Variants in STK11 observed in about 807,000 individuals in gnomAD.
STK11 encodes the protein serine/threonine-protein kinase STK11.
Under a neutral mutation model 47.3 loss-of-function variants are expected in STK11, and 8 were observed. That is an observed-to-expected ratio of 0.17 (90% CI 0.10 to 0.31). The LOEUF is 0.31. STK11 is among the 10% of genes least tolerant of loss of function. STK11 has a pLI of 1.00. For missense variants in STK11, 475 were observed against 605.0 expected (o/e 0.79, Z 2.25); for synonymous variants, 330 against 255.8 (o/e 1.29, Z -2.77).
At chr19:1,217,198 G>C (rs545645000) in intron 1 of STK11, among the ~76,000 whole-genome samples, 1 of 152,030 alleles carries the variant, frequency 6.6e-6, no homozygotes, top group Non-Finnish European at 1.5e-5. Context: ...CTTGCTCCTC[G>C]TCATTTTTGT....
At chr19:1,223,916 AG>A in intron 8 of STK11, 1 of 1,013,516 alleles carries the variant, frequency 9.9e-7, no homozygotes, top group Non-Finnish European at 1.2e-6. Flanking sequence ...CTGGAGCCTG[AG>A]GGGGCTTTCT....
At chr19:1,224,044 C>T in intron 8 of STK11, 1 of 1,003,924 alleles carries the variant, frequency 1.0e-6, no homozygotes, top group Non-Finnish European at 1.2e-6. Flanking sequence ...CCCGAGGGTC[C>T]CAGAATAGTG....
intron 3 of STK11, among the ~76,000 whole-genome samples, chr19:1,219,762 G>A (rs972166681): frequency 6.6e-5 from 10 of 152,002 alleles, no homozygotes; most frequent in Non-Finnish European, 1.2e-4. Context: ...AGCCAGGATG[G>A]TCTCAAACTC....
chr19:1,206,557 A>C lies in STK11; in HGVS notation c.-357A>C. 2.6e-6 allele frequency: 1 copy of C among 389,656 alleles called. No homozygotes were observed. The highest frequency in any genetic ancestry group is 3.7e-5 in the South Asian group (1 of 26,890). The allele number at this position is 389,656 out of a possible 1,614,324, so 24.1% of individuals were successfully genotyped here. A position where few individuals can be genotyped will look rare whatever the true frequency, so the allele number is the denominator to read the frequency against. The stretch of plus-strand genomic sequence containing the variant: ...GTCCCCGGAGGATGACCTAGCACTG[A>C]AAAGCCCCGGCCGGCCTCCCCAGGG... On this transcript the variant is annotated 5_prime_UTR_variant, in exon 1 of 10. Transcript: ENST00000326873.
chr19:1,208,024 C>T (rs2080680571), intron 1 of STK11, among the ~76,000 whole-genome samples: 1 of 152,240 alleles, frequency 6.6e-6, no homozygotes, highest in Non-Finnish European at 1.5e-5. Context: ...ACACGCTGCA[C>T]CTGCCGCCGC....
intron 1 of STK11, chr19:1,216,148 A>G (rs905259162): frequency 6.3e-6 from 1 of 158,240 alleles, no homozygotes; most frequent in African/African-American, 2.4e-5. Context: ...ACAGTGTACA[A>G]TTCAGTGGCA....
intron 1 of STK11, among the ~76,000 whole-genome samples, chr19:1,212,390 G>C (rs1029955465): frequency 6.9e-6 from 1 of 145,688 alleles, no homozygotes; most frequent in Non-Finnish European, 1.5e-5. Flanking sequence ...CCCCAAGGTA[G>C]CTGGGACTGC....
At position 1,220,792 on chromosome 19, in the gene STK11, C is replaced by T. The variant is rs554154579; in HGVS notation, c.734+75C>T. 4 of 1,532,554 alleles carry T rather than the reference C, an allele frequency of 2.6e-6. No individual in the cohort carries two copies. The South Asian group carries it at 3.7e-5, about 14-fold the overall frequency. The allele number at this position is 1,532,554 out of a possible 1,614,324, so 94.9% of individuals were successfully genotyped here. ...CCTCTGCGTCTTGGGCAGCTGCCGG[C>T]CTGTGGGCGCAGGGCGTGGCCACCG... On this transcript the variant is annotated intron_variant, in intron 5 of 9. Transcript: ENST00000326873.
rs1223001598 is a variant in STK11 at position 1,224,207 on chromosome 19, CTGGGGGCCCCCCAGGAGGATGCAGCATG to C, written c.1108+1054_1108+1081del. On this transcript the variant is annotated intron_variant, in intron 8 of 9. Transcript: ENST00000326873. ...TGGGGGTCCCCGGGGGGTACAGTGT[CTGGGGGCCCCCCAGGAGGATGCAGCATG>C]TGGGGGCCCCCCAGGAGGGTACAGC... 17 of 984,922 alleles carry C rather than the reference CTGGGGGCCCCCCAGGAGGATGCAGCATG, an allele frequency of 1.7e-5. No homozygotes were observed. In the South Asian group the frequency reaches 2.4e-4, roughly 14 times the overall value. 61.0% of individuals were successfully genotyped at this position (984,922 alleles called of 1,614,324 possible).
intron 1 of STK11, among the ~76,000 whole-genome samples, chr19:1,210,390 T>A (rs1326392640): frequency 1.3e-5 from 2 of 152,148 alleles, no homozygotes; most frequent in African/African-American, 4.8e-5. Flanking sequence ...CGTCCGGTCC[T>A]CCAGTTGGTG....
In STK11 at chr19:1,207,220, G is replaced by A. The variant is rs749909818; in HGVS notation, c.290+17G>A. 15 of 1,586,412 alleles carry A rather than the reference G, an allele frequency of 9.5e-6. No individual in the cohort carries two copies. In the African/African-American group the frequency reaches 1.6e-4, roughly 17 times the overall value. Reference sequence around the variant, plus strand: ...CGTGAAGAAGTAAGTATGGCTTGCTGGGGTCGGGGCCGGGCCGGGCCAGTC... The same window carrying A: ...CGTGAAGAAGTAAGTATGGCTTGCTAGGGTCGGGGCCGGGCCGGGCCAGTC... On this transcript the variant is annotated intron_variant, in intron 1 of 9. Transcript: ENST00000326873.
Position 1,219,100 on chromosome 19 carries a change from C to T in STK11, c.375-224C>T, listed in dbSNP as rs192920812. 8.5e-5 allele frequency among the ~76,000 whole-genome samples: 13 copies of T among 152,222 alleles called. No individual in the cohort carries two copies. The East Asian group carries it at 2.3e-3, about 27-fold the overall frequency. On this transcript the variant is annotated intron_variant, in intron 2 of 9. Coordinates refer to ENST00000326873, the MANE Select transcript of STK11 (RefSeq NM_000455.5). ...ACGTGAGCCCCGCAGGAACGCTGCCCCAAGAGTCAGCCCTGTCCTCCCCTT... is the reference window on the plus strand; with the variant it reads ...ACGTGAGCCCCGCAGGAACGCTGCCTCAAGAGTCAGCCCTGTCCTCCCCTT...
intron 2 of STK11, 78 bp downstream of exon 2, chr19:1,218,578 C>T (rs1250470997): frequency 2.4e-6 from 3 of 1,226,166 alleles, no homozygotes; most frequent in Non-Finnish European, 3.6e-6. Context: ...TCGAGGCCTG[C>T]TCCTCTTCCC....
chr19:1,207,012 G>A lies in STK11; in HGVS notation c.99G>A (p.Glu33=), dbSNP rs863224363. The A allele has an allele frequency of 6.2e-7, 1 of 1,613,712 alleles. No homozygotes were observed. Among genetic ancestry groups the A allele is most frequent in the Non-Finnish European group, 8.5e-7 (1 of 1,179,842 alleles). ...TCATCCACCGCATCGACTCCACCGA[G>A]GTCATCTACCAGCCGCGCCGCAAGC... The part of the protein sequence containing the change: ...DTFIHRIDST[E]VIYQPRRKRA... The change falls in exon 1 of 10, where the codon GAG becomes GAA. Residue 33 remains glutamate (E), a synonymous_variant. Transcript: ENST00000326873.
At chr19:1,219,541 T>C in intron 3 of STK11, 128 bp downstream of exon 3, 2 of 1,001,888 alleles carry the variant, frequency 2.0e-6, no homozygotes, top group South Asian at 1.7e-5. Flanking sequence ...TTTTTGTTTT[T>C]TTGTTTTTTT....
intron 8 of STK11, chr19:1,223,992 G>T (rs2080804130): frequency 2.0e-6 from 2 of 1,008,588 alleles, no homozygotes; most frequent in Non-Finnish European, 2.4e-6. Flanking sequence ...ACGCCAGGCA[G>T]GTTGGGATGT....
At chr19:1,210,054 G>A (rs1475861596) in intron 1 of STK11, among the ~76,000 whole-genome samples, 1 of 152,166 alleles carries the variant, frequency 6.6e-6, no homozygotes, top group African/African-American at 2.4e-5. Flanking sequence ...GGTGAGCCCT[G>A]TCCCTTCCTG....
chr19:1,223,710 C>G (rs1196980005), intron 8 of STK11: 2 of 1,042,740 alleles, frequency 1.9e-6, no homozygotes, highest in East Asian at 1.1e-4. Flanking sequence ...TCAGACCTTT[C>G]AGGAGAGGAA....
intron 1 of STK11, among the ~76,000 whole-genome samples, chr19:1,209,012 G>C (rs1460480648): frequency 2.0e-5 from 3 of 152,152 alleles, no homozygotes; most frequent in African/African-American, 7.2e-5. Flanking sequence ...AGCAGTCAGG[G>C]TTAAATGGGA....
Sources: gnomAD v4.1 joint callset for allele counts (sites outside exome capture counted in the v4.1 genomes callset) on GRCh38, gnomAD v4.1.1 for gene constraint, MANE v1.5 for transcripts, NCBI Gene and HGNC (gene_info 2026-07-23, HGNC 2026-07-21) for gene names.